The following PIBF1 variants were observed in gnomAD, a reference collection of about 807,000 sequenced individuals.
The protein encoded by PIBF1 is progesterone immunomodulatory binding factor 1.
In PIBF1, 90 loss-of-function variants were observed where a neutral mutation model predicts 112.5. The ratio of observed to expected loss-of-function variants is 0.80; its 90% confidence interval spans 0.67 to 0.95. The LOEUF is 0.95. PIBF1 is among the 40% of genes least tolerant of loss of function. PIBF1 has a pLI of 0.00. For missense variants in PIBF1, 915 were observed against 852.3 expected (o/e 1.07, Z -0.92); for synonymous variants, 301 against 288.6 (o/e 1.04, Z -0.44).
At chr13:72,966,556 T>C (rs765614596) in intron 15 of PIBF1, among the ~76,000 whole-genome samples, 2 of 152,306 alleles carry the variant, frequency 1.3e-5, no homozygotes, top group Non-Finnish European at 1.5e-5. Flanking sequence ...CTTAGGGAAA[T>C]TGAAGAAAGA....
intron 17 of PIBF1, among the ~76,000 whole-genome samples, chr13:73,001,590 T>TTTTTTTTTTTTTTTTTTTTTTA (rs1566537302): frequency 7.0e-6 from 1 of 142,918 alleles, no homozygotes; most frequent in Non-Finnish European, 1.5e-5. Flanking sequence ...GACTTTTTTT[T>TTTTTTTTTTTTTTTTTTTTTTA]TTTTTTTTTT....
chr13:72,902,004 A>ATGTGTGTGTGTGTGTGTG (rs1206491287), intron 11 of PIBF1, among the ~76,000 whole-genome samples: 1 of 31,360 alleles, frequency 3.2e-5, no homozygotes, highest in African/African-American at 1.5e-4. Flanking sequence ...GTGTGTATGT[A>ATGTGTGTGTGTGTGTGTG]TATGTGTGTG....
chr13:72,920,917 A>G (rs1173708874), intron 13 of PIBF1, among the ~76,000 whole-genome samples: 1 of 152,178 alleles, frequency 6.6e-6, no homozygotes, highest in Admixed American at 6.5e-5. Context: ...ATCAGCCTAT[A>G]CCAAAATATA....
intron 9 of PIBF1, among the ~76,000 whole-genome samples, chr13:72,846,430 C>T (rs537703464): frequency 9.9e-5 from 15 of 152,260 alleles, no homozygotes; most frequent in African/African-American, 2.9e-4. Flanking sequence ...CTTTCTTCCT[C>T]GCCCTCTCCA....
intron 14 of PIBF1, among the ~76,000 whole-genome samples, chr13:72,934,317 G>A (rs1398325988): frequency 6.6e-6 from 1 of 151,862 alleles, no homozygotes; most frequent in Non-Finnish European, 1.5e-5. Flanking sequence ...ATTTATTTTT[G>A]AGACAGAGTC....
chr13:72,930,674 A>G (rs951071628), intron 13 of PIBF1, among the ~76,000 whole-genome samples: 3 of 152,080 alleles, frequency 2.0e-5, no homozygotes, highest in Non-Finnish European at 4.4e-5. Context: ...TATCTTTTTC[A>G]TCTCCACTTT....
chr13:72,938,536 G>T (rs953724067), intron 14 of PIBF1, among the ~76,000 whole-genome samples: 2 of 152,128 alleles, frequency 1.3e-5, no homozygotes, highest in Non-Finnish European at 2.9e-5. Flanking sequence ...TCAGTGCTCA[G>T]TTCCTTTTTA....
At chr13:72,786,276 A>G (rs1225201868) in intron 2 of PIBF1, among the ~76,000 whole-genome samples, 1 of 152,170 alleles carries the variant, frequency 6.6e-6, no homozygotes, top group Non-Finnish European at 1.5e-5. Context: ...GAAGATTGCA[A>G]TAGTCGTGTT....
chr13:72,783,025 G>C (rs190454490), intron 1 of PIBF1, among the ~76,000 whole-genome samples: 3 of 152,120 alleles, frequency 2.0e-5, no homozygotes, highest in Non-Finnish European at 4.4e-5. Flanking sequence ...TACCATGCCT[G>C]TCCAAATCTT....
chr13:72,994,471 G>A (rs1305024249), intron 16 of PIBF1, among the ~76,000 whole-genome samples: 1 of 152,142 alleles, frequency 6.6e-6, no homozygotes. Context: ...AAAGAATCCA[G>A]TCAAACTTAG....
chr13:72,949,194 G>C lies in PIBF1; in HGVS notation c.1834-16080G>C, dbSNP rs182727396. Among the ~76,000 whole-genome samples, 733 of 151,330 alleles carry C rather than the reference G, an allele frequency of 4.8e-3. 8 individuals are homozygous for C. The highest frequency in any genetic ancestry group is 0.016 in the African/African-American group (677 of 41,240). The stretch of plus-strand genomic sequence containing the variant: ...TAAGTGATTAAGCTTTTGGAAAACT[G>C]GCCACAAAGTTGACCTGAGACTGAT... On this transcript the variant is annotated intron_variant, in intron 14 of 17. Coordinates refer to ENST00000326291, the MANE Select transcript of PIBF1 (RefSeq NM_006346.4).
At chr13:72,992,939 G>T (rs531453480) in intron 16 of PIBF1, among the ~76,000 whole-genome samples, 1 of 152,110 alleles carries the variant, frequency 6.6e-6, no homozygotes, top group Non-Finnish European at 1.5e-5. Context: ...GCAATAAACA[G>T]ATAAACTGGG....
chr13:72,937,202 T>C (rs955539380), intron 14 of PIBF1, among the ~76,000 whole-genome samples: 1 of 152,212 alleles, frequency 6.6e-6, no homozygotes, highest in Non-Finnish European at 1.5e-5. Context: ...CTTGCTAATG[T>C]TTTCTGTTTG....
At chr13:72,873,256 C>T (rs1362686255) in intron 10 of PIBF1, among the ~76,000 whole-genome samples, 2 of 152,114 alleles carry the variant, frequency 1.3e-5, no homozygotes, top group Non-Finnish European at 2.9e-5. Flanking sequence ...TCCACCCCTA[C>T]TTCATACATA....
intron 17 of PIBF1, among the ~76,000 whole-genome samples, chr13:73,010,805 C>CTTCTCTTTTTTTTTTTTT (rs1396150238): frequency 3.8e-5 from 2 of 52,594 alleles, no homozygotes; most frequent in Admixed American, 2.0e-4. Context: ...AAATCATTAA[C>CTTCTCTTTTTTTTTTTTT]TTTTCTTTTT....
At position 72,793,519 on chromosome 13, in the gene PIBF1, G is replaced by A. The variant is rs2035039644; in HGVS notation, c.353+972G>A. ...CATTTTTACTGGGTTCGCAGGTGAT[G>A]CAGATGCTGCTGGTCCAGAAACAAT... On this transcript the variant is annotated intron_variant, in intron 3 of 17. Coordinates refer to ENST00000326291, the MANE Select transcript of PIBF1 (RefSeq NM_006346.4). Among the ~76,000 whole-genome samples the A allele has an allele frequency of 2.0e-5, 3 of 152,174 alleles. No individual in the cohort carries two copies. The South Asian group carries it at 6.2e-4, about 31-fold the overall frequency.
At chr13:72,878,985 C>G (rs1470432083) in intron 10 of PIBF1, among the ~76,000 whole-genome samples, 1 of 152,048 alleles carries the variant, frequency 6.6e-6, no homozygotes, top group African/African-American at 2.4e-5. Flanking sequence ...TACTTTTAAT[C>G]TGTATGTATC....
chr13:73,008,535 G>A (rs1188141371), intron 17 of PIBF1, among the ~76,000 whole-genome samples: 1 of 152,084 alleles, frequency 6.6e-6, no homozygotes, highest in African/African-American at 2.4e-5. Context: ...TGTTTATTGA[G>A]CACTTACTTT....
In PIBF1 at chr13:72,790,070, A is replaced by G. The variant is rs77762610; in HGVS notation, c.253-2377A>G. ...ATATTTTATGCTTTGTAGGCCACCT[A>G]TGCTCTATCAGATTTTTCTTATGGG... is the stretch of plus-strand genomic sequence containing the variant. On this transcript the variant is annotated intron_variant, in intron 2 of 17. Coordinates refer to ENST00000326291, the MANE Select transcript of PIBF1 (RefSeq NM_006346.4). Among the ~76,000 whole-genome samples, 989 of 152,278 alleles carry G rather than the reference A, an allele frequency of 6.5e-3. 12 individuals carry two copies. Among genetic ancestry groups the G allele is most frequent in the African/African-American group, 0.022 (914 of 41,550 alleles).
Sources: gnomAD v4.1 joint callset for allele counts (sites outside exome capture counted in the v4.1 genomes callset) on GRCh38, gnomAD v4.1.1 for gene constraint, MANE v1.5 for transcripts, NCBI Gene and HGNC (gene_info 2026-07-23, HGNC 2026-07-21) for gene names.